The following SPAST variants were observed in gnomAD, a reference collection of about 807,000 sequenced individuals.
SPAST encodes spastin.
A neutral mutation model predicts 76.6 loss-of-function variants in SPAST; 30 were observed. The ratio of observed to expected loss-of-function variants is 0.39; its 90% CI spans 0.29 to 0.53. SPAST has a LOEUF of 0.53. Among genes scored for constraint, SPAST ranks in the 20% least tolerant of loss-of-function variants. The pLI, the probability that SPAST is intolerant of heterozygous loss-of-function variation, is 0.68. For missense variants in SPAST, 717 were observed against 770.5 expected (o/e 0.93, Z 0.82); for synonymous variants, 305 against 281.0 (o/e 1.09, Z -0.86).
At chr2:32,064,279 GCC>G in intron 1 of SPAST, 33 bp downstream of exon 1, 11 of 1,309,374 alleles carry the variant, frequency 8.4e-6, no homozygotes, top group East Asian at 2.8e-5. Flanking sequence ...GGGCGGCGGC[GCC>G]GGGAAGAAGG....
chr2:32,115,051 C>T (rs745511508), intron 5 of SPAST, among the ~76,000 whole-genome samples: 3 of 149,616 alleles, frequency 2.0e-5, no homozygotes, highest in Non-Finnish European at 4.4e-5. Flanking sequence ...CAGGTTCAAG[C>T]GATTCTCCTG....
intron 1 of SPAST, among the ~76,000 whole-genome samples, chr2:32,083,247 T>TA: frequency 6.6e-6 from 1 of 152,252 alleles, no homozygotes; most frequent in Non-Finnish European, 1.5e-5. Flanking sequence ...TGAGCCACCA[T>TA]GCCCATCCTC....
chr2:32,103,215 A>G (rs1429222273), intron 4 of SPAST, among the ~76,000 whole-genome samples: 1 of 152,090 alleles, frequency 6.6e-6, no homozygotes, highest in African/African-American at 2.4e-5. Flanking sequence ...GTGTCCAGGG[A>G]TTTATCCATT....
intron 4 of SPAST, 101 bp from the exon 5 acceptor site, chr2:32,114,537 A>G: frequency 3.3e-6 from 3 of 899,446 alleles, no homozygotes; most frequent in Non-Finnish European, 3.5e-6. Flanking sequence ...ATATTTTTGA[A>G]TTAAAAAAAT....
intron 3 of SPAST, among the ~76,000 whole-genome samples, chr2:32,092,154 C>T (rs773352702): frequency 5.9e-5 from 9 of 152,028 alleles, no homozygotes; most frequent in African/African-American, 9.7e-5. Flanking sequence ...GATTTTTGCC[C>T]GCACATAGTT....
chr2:32,065,891 G>C (rs566018047), intron 1 of SPAST: 2 of 152,046 alleles, frequency 1.3e-5, no homozygotes, highest in Non-Finnish European at 2.9e-5. Flanking sequence ...AAAGAGTGAC[G>C]GTTAAGAGAG....
intron 11 of SPAST, 21 bp from the exon 12 acceptor site, chr2:32,137,088 A>G (rs1679562960): frequency 1.2e-6 from 2 of 1,608,496 alleles, no homozygotes; most frequent in African/African-American, 1.3e-5. Context: ...AATGAATTGA[A>G]AAAAGATTTT....
intron 4 of SPAST, among the ~76,000 whole-genome samples, chr2:32,114,221 A>G (rs1378639529): frequency 1.3e-5 from 2 of 152,196 alleles, no homozygotes; most frequent in Non-Finnish European, 2.9e-5. Flanking sequence ...CCTAGGCAAC[A>G]TAGTGAGTGA....
At chr2:32,104,165 G>C (rs761135476) in intron 4 of SPAST, among the ~76,000 whole-genome samples, 1 of 152,182 alleles carries the variant, frequency 6.6e-6, no homozygotes, top group African/African-American at 2.4e-5. Flanking sequence ...ATTTAGGATA[G>C]TTAGCTCTTC....
At chr2:32,097,466 A>G (rs965221507) in intron 3 of SPAST, among the ~76,000 whole-genome samples, 21 of 152,002 alleles carry the variant, frequency 1.4e-4, no homozygotes, top group African/African-American at 3.9e-4. Flanking sequence ...TTTAGAGGTA[A>G]TCTTTTTGTA....
chr2:32,102,217 A>G (rs568592008), intron 4 of SPAST, among the ~76,000 whole-genome samples: 3 of 152,104 alleles, frequency 2.0e-5, no homozygotes, highest in Admixed American at 1.3e-4. Flanking sequence ...ATTCCTAGGT[A>G]TTTTATTCTC....
At chr2:32,103,807 TTTGA>T (rs1358628632) in intron 4 of SPAST, among the ~76,000 whole-genome samples, 1 of 152,238 alleles carries the variant, frequency 6.6e-6, no homozygotes, top group East Asian at 1.9e-4. Context: ...TGAGTTCTAG[TTTGA>T]TTGCACTGTG....
At chr2:32,065,259 C>T (rs1483516691) in intron 1 of SPAST, among the ~76,000 whole-genome samples, 2 of 152,022 alleles carry the variant, frequency 1.3e-5, no homozygotes, top group Admixed American at 1.3e-4. Flanking sequence ...ACCTCGTGAT[C>T]GGGTCGCCTC....
chr2:32,114,587 A>G, intron 4 of SPAST, 51 bp from the exon 5 acceptor site: 1 of 1,407,534 alleles, frequency 7.1e-7, no homozygotes, highest in Non-Finnish European at 1.0e-6. Context: ...GCTTGTCTTT[A>G]TGTTCAGCTA....
intron 9 of SPAST, among the ~76,000 whole-genome samples, chr2:32,135,460 G>A (rs1054773150): frequency 5.3e-5 from 8 of 152,076 alleles, no homozygotes; most frequent in African/African-American, 1.9e-4. Flanking sequence ...TCTAAATCTG[G>A]TGACATTTCT....
At position 32,098,806 on chromosome 2, in the gene SPAST, A is replaced by C. The variant is rs1279932936; in HGVS notation, c.597A>C (p.Gln199His). The C allele has an allele frequency of 6.2e-7, 1 of 1,612,532 alleles. No individual in the cohort carries two copies. The highest frequency in any genetic ancestry group is 8.5e-7 in the Non-Finnish European group (1 of 1,178,740). Residue 199 changes from glutamine (Q) to histidine (H), a missense_variant, in exon 4 of 17, where the codon CAA (glutamine) becomes CAC (histidine). Transcript: ENST00000315285. Reference sequence around the variant, plus strand: ...TTCTCTGTTGCATAGAGAAGATGCAACCAGTTTTGCCATTTTCCAAGTCAC... The same window carrying C: ...TTCTCTGTTGCATAGAGAAGATGCACCCAGTTTTGCCATTTTCCAAGTCAC... ...KDRLQLLEKM[Q>H]PVLPFSKSQT...
intron 9 of SPAST, among the ~76,000 whole-genome samples, chr2:32,132,026 A>G (rs1679386477): frequency 6.6e-6 from 1 of 152,218 alleles, no homozygotes; most frequent in African/African-American, 2.4e-5. Context: ...GTTTTCAGAA[A>G]CAACATAGCA....
rs1364003310 is a variant in SPAST, at chr2:32,063,749, C to T, written c.-83C>T. ...GCACACGGGGGTCTGTGGCCCCCGC[C>T]GTAGCAGTGGCTGCCGCCGTCGCTT... On this transcript the variant is annotated 5_prime_UTR_variant, in exon 1 of 17. Transcript: ENST00000315285. 2.6e-6 allele frequency: 4 copies of T among 1,513,662 alleles called. No individual in the cohort carries two copies. Among genetic ancestry groups the T allele is most frequent in the African/African-American group, 1.4e-5 (1 of 72,252 alleles). The allele number at this position is 1,513,662 out of a possible 1,614,324, so 93.8% of individuals were successfully genotyped here.
At chr2:32,130,013 A>AG (rs886071595) in intron 9 of SPAST, 20 of 152,768 alleles carry the variant, frequency 1.3e-4, no homozygotes, top group African/African-American at 3.6e-4. Flanking sequence ...AAACAAAACA[A>AG]GGGGGGGCAT....
Sources: allele counts gnomAD v4.1 joint callset (sites outside exome capture counted in the v4.1 genomes callset), GRCh38; gene constraint gnomAD v4.1.1; transcripts MANE v1.5; gene names NCBI Gene and HGNC (gene_info 2026-07-23, HGNC 2026-07-21).